The following MAP2K6 variants were observed in gnomAD, a reference collection of about 807,000 sequenced individuals.
The protein encoded by MAP2K6 is mitogen-activated protein kinase kinase 6.
Under a neutral mutation model 53.7 loss-of-function variants are expected in MAP2K6, and 16 were observed. The observed-to-expected ratio is 0.30, with a 90% CI of 0.20 to 0.45. MAP2K6 has a LOEUF of 0.45. Among genes scored for constraint, MAP2K6 ranks in the 20% least tolerant of loss-of-function variants. The pLI is 1.00. For missense variants in MAP2K6, 204 were observed against 411.9 expected, an observed-to-expected ratio of 0.50 and a Z score of 4.37; for synonymous variants, 132 against 143.1, an observed-to-expected ratio of 0.92 and a Z score of 0.55.
At position 69,521,192 on chromosome 17, in the gene MAP2K6, G is replaced by A. The variant is rs562767129; in HGVS notation, c.535+92G>A. On this transcript the variant is annotated intron_variant, in intron 7 of 11. Coordinates refer to ENST00000590474, the MANE Select transcript of MAP2K6 (RefSeq NM_002758.4). ...CTCTACCCCCAGTCCCCCATGGGTG[G>A]AAGTAGAATTGACTCAGGCAAGAGA... is the stretch of plus-strand genomic sequence containing the variant. 1.9e-3 allele frequency: 2,182 copies of A among 1,121,446 alleles called. 22 individuals are homozygous for A. Among genetic ancestry groups the A allele is most frequent in the South Asian group, 0.011 (800 of 71,972 alleles). The allele number at this position is 1,121,446 out of a possible 1,614,324, so 69.5% of individuals were successfully genotyped here.
rs151179837 is a variant in MAP2K6, at chr17:69,416,719, A to G, written c.16+1719A>G. Among the ~76,000 whole-genome samples, 347 of 152,334 alleles carry G rather than the reference A, an allele frequency of 2.3e-3. 1 individual carries two copies. Among genetic ancestry groups the G allele is most frequent in the African/African-American group, 7.5e-3 (310 of 41,564 alleles). On this transcript the variant is annotated intron_variant, in intron 1 of 11. Transcript: ENST00000590474. The stretch of plus-strand genomic sequence containing the variant: ...AAAACAAGAATGTAAGGAAATCATT[A>G]TAATACAAGATAATAGGACAGGTAT...
At chr17:69,528,663 A>G (rs1388262625) in intron 10 of MAP2K6, among the ~76,000 whole-genome samples, 1 of 152,070 alleles carries the variant, frequency 6.6e-6, no homozygotes, top group Non-Finnish European at 1.5e-5. Flanking sequence ...GTTCGAGACC[A>G]GCCTGACCAA....
At chr17:69,517,382 ATCT>A (rs1910203749) in intron 3 of MAP2K6, 115 bp from the exon 4 acceptor site, 2 of 529,510 alleles carry the variant, frequency 3.8e-6, no homozygotes, top group African/African-American at 3.9e-5. Flanking sequence ...ATGCTAGAAA[ATCT>A]TCTGGCCCAG....
chr17:69,527,880 CCA>C (rs1910857982), intron 10 of MAP2K6, among the ~76,000 whole-genome samples: 2 of 152,110 alleles, frequency 1.3e-5, no homozygotes, highest in Admixed American at 6.5e-5. Flanking sequence ...CTTTGGGAGG[CCA>C]AGGCGAGTGG....
chr17:69,467,812 C>T lies in MAP2K6; in HGVS notation c.17-37968C>T, dbSNP rs548353095. ...TTTGTTAGAGTCTCACTCTGTCACT[C>T]AGGCTGGAGTGCAGTGGCATGTGAT... On this transcript the variant is annotated intron_variant, in intron 1 of 11. Transcript: ENST00000590474. Among the ~76,000 whole-genome samples the T allele has an allele frequency of 8.5e-5, 13 of 152,052 alleles. 2 individuals are homozygous for T. The highest frequency in any genetic ancestry group is 3.1e-4 in the African/African-American group (13 of 41,486).
chr17:69,479,491 A>G (rs939426977), intron 1 of MAP2K6, among the ~76,000 whole-genome samples: 1 of 152,316 alleles, frequency 6.6e-6, no homozygotes, highest in Non-Finnish European at 1.5e-5. Flanking sequence ...TTCATCCCCA[A>G]AATATCTCAG....
In MAP2K6 at chr17:69,494,961, C is replaced by T. The variant is rs1315651681; in HGVS notation, c.17-10819C>T. On this transcript the variant is annotated intron_variant, in intron 1 of 11. Coordinates refer to ENST00000590474, the MANE Select transcript of MAP2K6 (RefSeq NM_002758.4). This position sits in a 1 kb window ranked among gnomAD's most constrained non-coding sequence, Gnocchi z 4.2. ...TGGAGGTTGCCGTGAGCCGAGATCGCGACATTGCACTCCAGCCTGGGCAAC... is the reference window on the plus strand; with the variant it reads ...TGGAGGTTGCCGTGAGCCGAGATCGTGACATTGCACTCCAGCCTGGGCAAC... Among the ~76,000 whole-genome samples the T allele has an allele frequency of 2.0e-5, 3 of 150,868 alleles. No homozygotes were observed. The highest frequency in any genetic ancestry group is 4.4e-5 in the Non-Finnish European group (3 of 67,660).
At chr17:69,504,929 T>C (rs143940768) in intron 1 of MAP2K6, among the ~76,000 whole-genome samples, 1 of 152,138 alleles carries the variant, frequency 6.6e-6, no homozygotes, top group Non-Finnish European at 1.5e-5. Flanking sequence ...TTTTTCAAAT[T>C]ACAGCAGGTG....
chr17:69,414,863 G>C lies in MAP2K6; in HGVS notation c.-122G>C. On this transcript the variant is annotated 5_prime_UTR_variant, in exon 1 of 12. Coordinates refer to ENST00000590474, the MANE Select transcript of MAP2K6 (RefSeq NM_002758.4). ...AGTCCATCTGCTGCATCGGTCAAGA[G>C]AAACTCCACTTGCATGAAGATTGCA... The C allele has an allele frequency of 1.2e-6, 1 of 854,012 alleles. No individual in the cohort carries two copies. The highest frequency in any genetic ancestry group is 1.9e-6 in the Non-Finnish European group (1 of 516,992). 52.9% of individuals were successfully genotyped at this position (854,012 alleles called of 1,614,324 possible).
chr17:69,526,925 T>C (rs1910806410), intron 10 of MAP2K6, among the ~76,000 whole-genome samples: 1 of 152,098 alleles, frequency 6.6e-6, no homozygotes. Context: ...TGAATAATTA[T>C]AGTATAATGT....
chr17:69,499,065 G>A (rs1005346215), intron 1 of MAP2K6, among the ~76,000 whole-genome samples: 1 of 152,198 alleles, frequency 6.6e-6, no homozygotes, highest in Non-Finnish European at 1.5e-5. Context: ...CTGAGGCAAT[G>A]TAAAATTATA....
At chr17:69,532,787 C>A (rs1038540654) in intron 10 of MAP2K6, among the ~76,000 whole-genome samples, 1 of 152,234 alleles carries the variant, frequency 6.6e-6, no homozygotes, top group South Asian at 2.1e-4. Context: ...AGATTGTGAG[C>A]TTTCTAATCA....
In MAP2K6 at chr17:69,488,179, A is replaced by G. The variant is rs187920052; in HGVS notation, c.17-17601A>G. Among the ~76,000 whole-genome samples, 264 of 152,280 alleles carry G rather than the reference A, an allele frequency of 1.7e-3. 1 individual carries two copies. Among genetic ancestry groups the G allele is most frequent in the African/African-American group, 6.1e-3 (255 of 41,578 alleles). The stretch of plus-strand genomic sequence containing the variant: ...AGACACTTCTCAAAAGAAGACATAC[A>G]AAAAAATGCTCCACATCACTAATCA... On this transcript the variant is annotated intron_variant, in intron 1 of 11. Transcript: ENST00000590474.
At chr17:69,481,053 A>T (rs1908334416) in intron 1 of MAP2K6, among the ~76,000 whole-genome samples, 1 of 152,236 alleles carries the variant, frequency 6.6e-6, no homozygotes, top group African/African-American at 2.4e-5. Flanking sequence ...AGTGGCATTA[A>T]GTACATCCAC....
chr17:69,478,435 T>C (rs997487259), intron 1 of MAP2K6, among the ~76,000 whole-genome samples: 6 of 152,194 alleles, frequency 3.9e-5, no homozygotes, highest in African/African-American at 7.2e-5. Context: ...CATGTTTTAC[T>C]TTCTTTCTTT....
At chr17:69,539,879 G>A (rs574172148) in intron 11 of MAP2K6, among the ~76,000 whole-genome samples, 2 of 152,156 alleles carry the variant, frequency 1.3e-5, no homozygotes, top group African/African-American at 2.4e-5. Flanking sequence ...TGCTGTGTAT[G>A]TGGTGACTAA....
At chr17:69,454,789 AC>A (rs1424844201) in intron 1 of MAP2K6, among the ~76,000 whole-genome samples, 1 of 152,206 alleles carries the variant, frequency 6.6e-6, no homozygotes, top group Non-Finnish European at 1.5e-5. Context: ...AAATTCAAGG[AC>A]TATTTGATAA....
intron 1 of MAP2K6, among the ~76,000 whole-genome samples, chr17:69,428,579 C>T (rs1598256929): frequency 6.6e-6 from 1 of 152,168 alleles, no homozygotes; most frequent in African/African-American, 2.4e-5. Context: ...TTTAGGAGGA[C>T]ATAGTTCAAC....
At chr17:69,461,687 C>T (rs543776883) in intron 1 of MAP2K6, among the ~76,000 whole-genome samples, 43 of 152,236 alleles carry the variant, frequency 2.8e-4, no homozygotes, top group Non-Finnish European at 5.0e-4. Context: ...TTTAGCATCC[C>T]GCAGGCACCC....
Sources: gnomAD v4.1 joint callset for allele counts (sites outside exome capture counted in the v4.1 genomes callset) on GRCh38, gnomAD v4.1.1 for gene constraint, Gnocchi (gnomAD v3.1) non-coding constraint, MANE v1.5 for transcripts, NCBI Gene and HGNC (gene_info 2026-07-23, HGNC 2026-07-21) for gene names.